UPRT: variants seen among roughly 807,000 people sequenced by gnomAD.
The protein encoded by UPRT is RP11-311P8.3.
A neutral mutation model predicts 22.6 loss-of-function variants in UPRT; 5 were observed. The observed-to-expected ratio is 0.22, with a 90% confidence interval of 0.12 to 0.47. The LOEUF is 0.47. UPRT is among the 20% of genes least tolerant of loss of function. UPRT has a pLI of 0.99. For missense variants in UPRT, 181 were observed against 239.9 expected (o/e 0.75, Z 1.62); for synonymous variants, 77 against 87.7 (o/e 0.88, Z 0.68).
chrX:75,233,562 A>G (rs1014009309), intron 4 of UPRT, among the ~76,000 whole-genome samples: 9 of 110,661 alleles, frequency 8.1e-5, no homozygotes, highest in Admixed American at 6.7e-4. Flanking sequence ...CTCAAAGGGA[A>G]GACCATCAGA....
chrX:75,249,904 A>T (rs1037463960), intron 4 of UPRT, among the ~76,000 whole-genome samples: 1 of 111,485 alleles, frequency 9.0e-6, no homozygotes, highest in African/African-American at 3.3e-5. Context: ...GGATTAACAA[A>T]CTCACTCAAA....
chrX:75,268,439 G>T (rs1030923178), intron 4 of UPRT, among the ~76,000 whole-genome samples: 3 of 110,979 alleles, frequency 2.7e-5, no homozygotes, highest in African/African-American at 9.8e-5. Flanking sequence ...ACCACAACCT[G>T]GCAGAGACAC....
chrX:75,289,368 G>A (rs1010137708), intron 1 of UPRT, among the ~76,000 whole-genome samples: 1 of 110,592 alleles, frequency 9.0e-6, no homozygotes, highest in African/African-American at 3.3e-5. Context: ...TGGTAAAATG[G>A]ATACACTGCC....
chrX:75,183,867 GTTGT>G (rs1175624590), intron 4 of UPRT, among the ~76,000 whole-genome samples: 11 of 112,155 alleles, frequency 9.8e-5, no homozygotes, highest in Admixed American at 4.7e-4. Context: ...TATTGATGGG[GTTGT>G]TTGTTTTTTT....
chrX:75,190,207 T>C (rs2082310177), intron 4 of UPRT, among the ~76,000 whole-genome samples: 1 of 111,857 alleles, frequency 8.9e-6, no homozygotes, highest in African/African-American at 3.3e-5. Flanking sequence ...TGCTTGTCTG[T>C]AAAGTATTTT....
At chrX:75,284,705 G>C (rs962748893) in intron 1 of UPRT, among the ~76,000 whole-genome samples, 2 of 111,625 alleles carry the variant, frequency 1.8e-5, no homozygotes, top group Non-Finnish European at 3.8e-5. Context: ...AGGTGGCAGG[G>C]GGGGGTGCAG....
intron 3 of UPRT, among the ~76,000 whole-genome samples, chrX:75,167,261 C>T (rs1031484864): frequency 8.9e-6 from 1 of 111,929 alleles, no homozygotes; most frequent in Non-Finnish European, 1.9e-5. Context: ...TTGTGAAATG[C>T]TTGATCAAGC....
At chrX:75,246,830 C>T (rs1296437243) in intron 4 of UPRT, among the ~76,000 whole-genome samples, 1 of 111,530 alleles carries the variant, frequency 9.0e-6, no homozygotes, top group Admixed American at 9.5e-5. Context: ...TTGTGGTTTT[C>T]ATTTGCATTT....
chrX:75,184,092 C>A (rs1362886908), intron 4 of UPRT, among the ~76,000 whole-genome samples: 1 of 111,627 alleles, frequency 9.0e-6, no homozygotes, highest in African/African-American at 3.3e-5. Context: ...ACCTGAAGTC[C>A]TTGCCCATGC....
intron 4 of UPRT, among the ~76,000 whole-genome samples, chrX:75,245,066 G>A (rs1001970571): frequency 9.1e-6 from 1 of 109,914 alleles, no homozygotes; most frequent in Non-Finnish European, 1.9e-5. Context: ...AAAAAAAACT[G>A]AACAAATCAA....
chrX:75,280,709 C>T (rs2082652513), intron 1 of UPRT, among the ~76,000 whole-genome samples: 1 of 111,642 alleles, frequency 9.0e-6, no homozygotes, highest in South Asian at 3.7e-4. Flanking sequence ...TAGTGTGACA[C>T]TTCCAGGTTT....
chrX:75,296,970 T>C (rs2082728059), intron 3 of UPRT, among the ~76,000 whole-genome samples: 1 of 111,348 alleles, frequency 9.0e-6, no homozygotes, highest in Non-Finnish European at 1.9e-5. Flanking sequence ...GGGGACTGAG[T>C]TTGTAGCATC....
chrX:75,218,743 A>G (rs1467578318), intron 4 of UPRT, among the ~76,000 whole-genome samples: 1 of 102,338 alleles, frequency 9.8e-6, no homozygotes, highest in Admixed American at 1.1e-4. Flanking sequence ...TTGTAGGGAC[A>G]TGGATGAAAT....
chrX:75,291,294 G>C (rs1602495350), intron 1 of UPRT: 2 of 229,500 alleles, frequency 8.7e-6, no homozygotes, highest in East Asian at 1.4e-4. Context: ...AAATATTCCA[G>C]GGATGTGTGC....
intron 1 of UPRT, among the ~76,000 whole-genome samples, chrX:75,289,777 AC>A (rs938088881): frequency 8.9e-6 from 1 of 111,855 alleles, no homozygotes; most frequent in Non-Finnish European, 1.9e-5. Flanking sequence ...ATGAAACTGG[AC>A]CCCCACTTTT....
intron 1 of UPRT, among the ~76,000 whole-genome samples, chrX:75,275,008 C>T: frequency 9.0e-6 from 1 of 110,576 alleles, no homozygotes. Flanking sequence ...AACCTATAAC[C>T]CAGAAATGGT....
intron 4 of UPRT, among the ~76,000 whole-genome samples, chrX:75,255,775 A>G (rs1402278201): frequency 8.9e-6 from 1 of 112,310 alleles, no homozygotes; most frequent in African/African-American, 3.2e-5. Flanking sequence ...GAGGGAAATT[A>G]TATAATGGTA....
chrX:75,249,558 A>C (rs1432657084), intron 4 of UPRT, among the ~76,000 whole-genome samples: 1 of 111,568 alleles, frequency 9.0e-6, no homozygotes, highest in Non-Finnish European at 1.9e-5. Context: ...AGATTCATAA[A>C]GCAAGTCCTT....
At chrX:75,276,692 G>A (rs1181713630) in intron 1 of UPRT, among the ~76,000 whole-genome samples, 1 of 112,032 alleles carries the variant, frequency 8.9e-6, no homozygotes, top group African/African-American at 3.2e-5. Flanking sequence ...TTACTCATAT[G>A]AAGATTTTTA....
Sources: allele counts gnomAD v4.1 joint callset (sites outside exome capture counted in the v4.1 genomes callset), GRCh38; gene constraint gnomAD v4.1.1; transcripts MANE v1.5; gene names NCBI Gene and HGNC (gene_info 2026-07-23, HGNC 2026-07-21).